AKT3: variants seen among roughly 807,000 people sequenced by gnomAD.
The protein encoded by AKT3 is RAC-gamma serine/threonine-protein kinase.
Under a neutral mutation model 65.3 loss-of-function variants are expected in AKT3, and 15 were observed. The ratio of observed to expected loss-of-function variants is 0.23; its 90% CI spans 0.15 to 0.35. The LOEUF (loss-of-function observed/expected upper bound fraction) is 0.35. Among genes scored for constraint, AKT3 ranks in the 10% least tolerant of loss-of-function variants. AKT3 has a pLI of 1.00. For missense variants in AKT3, 243 were observed against 576.5 expected (o/e 0.42, Z 5.92); for synonymous variants, 206 against 183.8 (o/e 1.12, Z -0.98).
At chr1:243,615,595 TAA>T (rs1295931560) in intron 6 of AKT3, among the ~76,000 whole-genome samples, 5 of 152,296 alleles carry the variant, frequency 3.3e-5, no homozygotes, top group African/African-American at 9.6e-5. Flanking sequence ...TCAAAGAATT[TAA>T]AAGTCTCCTA....
intron 4 of AKT3, among the ~76,000 whole-genome samples, chr1:243,659,523 C>T (rs914525800): frequency 1.3e-5 from 2 of 151,958 alleles, no homozygotes; most frequent in Non-Finnish European, 2.9e-5. Flanking sequence ...TTTATAGTTT[C>T]TCTAATTAAG....
At chr1:243,798,207 CTTT>C (rs59975727) in intron 2 of AKT3, among the ~76,000 whole-genome samples, 16 of 97,264 alleles carry the variant, frequency 1.6e-4, no homozygotes, top group East Asian at 3.0e-4. Flanking sequence ...GTGCCAGGCC[CTTT>C]TTTTTTTTTT....
intron 2 of AKT3, among the ~76,000 whole-genome samples, chr1:243,719,277 A>C (rs1686724421): frequency 6.6e-6 from 1 of 152,210 alleles, no homozygotes. Context: ...TACAACTCCC[A>C]AAATTACTCT....
At chr1:243,615,046 C>T in intron 7 of AKT3, 50 bp downstream of exon 7, 1 of 1,294,026 alleles carries the variant, frequency 7.7e-7, no homozygotes, top group Non-Finnish European at 1.1e-6. Context: ...ACATAAAATT[C>T]CTTAAATTTC....
intron 8 of AKT3, among the ~76,000 whole-genome samples, chr1:243,581,119 T>C (rs963040121): frequency 6.6e-6 from 1 of 152,160 alleles, no homozygotes; most frequent in Non-Finnish European, 1.5e-5. Context: ...GCTACACTAC[T>C]AGGCACATCT....
intron 4 of AKT3, among the ~76,000 whole-genome samples, chr1:243,652,772 A>C (rs12723015): frequency 2.9e-4 from 4 of 13,910 alleles, no homozygotes; most frequent in Admixed American, 1.1e-3. Context: ...AATAGAAAGC[A>C]AAAAAAAAAA....
At chr1:243,821,830 T>C (rs1056916028) in intron 2 of AKT3, among the ~76,000 whole-genome samples, 1 of 152,172 alleles carries the variant, frequency 6.6e-6, no homozygotes, top group Non-Finnish European at 1.5e-5. Flanking sequence ...ATAATAACAG[T>C]GGGAGACTTT....
chr1:243,611,683 C>CA (rs11374397), intron 8 of AKT3, among the ~76,000 whole-genome samples: 77,827 of 147,266 alleles, frequency 0.53, 23,307 homozygotes, highest in Non-Finnish European at 0.68. Context: ...GACCCCATCT[C>CA]AAAAAAAAAA....
chr1:243,707,275 T>C (rs924269774), intron 2 of AKT3, among the ~76,000 whole-genome samples: 3 of 152,226 alleles, frequency 2.0e-5, no homozygotes, highest in African/African-American at 4.8e-5. Context: ...ACTATCACTA[T>C]TGCACATTAG....
intron 3 of AKT3, among the ~76,000 whole-genome samples, chr1:243,671,043 T>C (rs896384775): frequency 5.3e-5 from 8 of 151,750 alleles, no homozygotes; most frequent in East Asian, 1.9e-4. Flanking sequence ...TAAAATAACA[T>C]CCAATGTGAA....
chr1:243,649,276 C>T (rs1681082911), intron 4 of AKT3, among the ~76,000 whole-genome samples: 1 of 150,684 alleles, frequency 6.6e-6, no homozygotes, highest in African/African-American at 2.4e-5. Context: ...AAAATGTACT[C>T]AGAATTATTT....
At chr1:243,638,919 G>C (rs963781830) in intron 5 of AKT3, among the ~76,000 whole-genome samples, 1 of 151,882 alleles carries the variant, frequency 6.6e-6, no homozygotes, top group African/African-American at 2.4e-5. Flanking sequence ...AAGAAAAAGA[G>C]TAGAGAAAAA....
At chr1:243,489,762 G>A (rs1448977870) in intron 13 of AKT3, among the ~76,000 whole-genome samples, 6 of 152,198 alleles carry the variant, frequency 3.9e-5, no homozygotes, top group Admixed American at 6.5e-5. Context: ...AAGCATTACA[G>A]CTGGCAAGTA....
intron 9 of AKT3, among the ~76,000 whole-genome samples, chr1:243,566,779 A>G (rs912245031): frequency 1.8e-4 from 28 of 152,312 alleles, no homozygotes; most frequent in African/African-American, 5.5e-4. Context: ...TTAACATACC[A>G]TAAGAATTGA....
chr1:243,807,486 A>T (rs1465097650), intron 2 of AKT3, among the ~76,000 whole-genome samples: 1 of 152,028 alleles, frequency 6.6e-6, no homozygotes, highest in Non-Finnish European at 1.5e-5. Context: ...AGGCTGAGGG[A>T]GGGGCGCCCG....
intron 2 of AKT3, among the ~76,000 whole-genome samples, chr1:243,828,759 G>C (rs1694325755): frequency 6.6e-6 from 1 of 152,150 alleles, no homozygotes; most frequent in Non-Finnish European, 1.5e-5. Flanking sequence ...TAGTTAAGTT[G>C]TGAGGGAGTC....
intron 12 of AKT3, among the ~76,000 whole-genome samples, chr1:243,536,505 T>C (rs960314885): frequency 2.0e-5 from 3 of 152,226 alleles, no homozygotes; most frequent in African/African-American, 4.8e-5. Context: ...ACGTTTAATA[T>C]CTGAAATCTA....
intron 4 of AKT3, among the ~76,000 whole-genome samples, chr1:243,648,262 A>T (rs1186270046): frequency 2.0e-5 from 3 of 151,904 alleles, no homozygotes; most frequent in African/African-American, 7.3e-5. Context: ...CGTCTAAAAA[A>T]AAAAAAAAGA....
chr1:243,713,746 TAAAAAAAAAAAAA>T (rs572960154), intron 2 of AKT3, among the ~76,000 whole-genome samples: 23 of 82,978 alleles, frequency 2.8e-4, no homozygotes, highest in South Asian at 5.9e-4. Flanking sequence ...TTTGCCTTAA[TAAAAAAAAAAAAA>T]AAAAAAAAAA....
Sources: gnomAD v4.1 joint callset for allele counts (sites outside exome capture counted in the v4.1 genomes callset) on GRCh38, gnomAD v4.1.1 for gene constraint, MANE v1.5 for transcripts, NCBI Gene and HGNC (gene_info 2026-07-23, HGNC 2026-07-21) for gene names.